The following NPBWR1 variants were observed in gnomAD, a reference collection of about 807,000 sequenced individuals.
The protein encoded by NPBWR1 is neuropeptides B and W receptor 1.
In NPBWR1, 4 loss-of-function variants were observed where a neutral mutation model predicts 2.8. The observed-to-expected ratio is 1.44, with a 90% CI of 0.71 to 3.29. The LOEUF (loss-of-function observed/expected upper bound fraction) is 3.29, where lower values mean the gene tolerates loss of function less well. Among genes scored for constraint, NPBWR1 ranks in the 30% most tolerant of loss-of-function variants. The pLI, the probability that NPBWR1 is intolerant of heterozygous loss-of-function variation, is 0.01. For missense variants in NPBWR1, 545 were observed against 462.5 expected, an observed-to-expected ratio of 1.18 and a Z score of -1.64; for synonymous variants, 250 against 224.5, an observed-to-expected ratio of 1.11 and a Z score of -1.02.
Position 52,942,033 on chromosome 8 carries a change from C to A in NPBWR1, c.*1139C>A, listed in dbSNP as rs1802885124. Reference sequence around the variant, plus strand: ...ATAAATAATGTACATGTCCTAATCTCACGAGTTGCCATGAAGATCAAATAA... The same window carrying A: ...ATAAATAATGTACATGTCCTAATCTAACGAGTTGCCATGAAGATCAAATAA... On this transcript the variant is annotated 3_prime_UTR_variant, in exon 2 of 2. Transcript: ENST00000674939. Among the ~76,000 whole-genome samples the A allele has an allele frequency of 6.6e-6, 1 of 152,214 alleles. No homozygotes were observed. The highest frequency in any genetic ancestry group is 1.5e-5 in the Non-Finnish European group (1 of 68,048).
intron 1 of NPBWR1, 43 bp downstream of exon 1, chr8:52,939,409 C>T (rs1400942090): frequency 6.5e-6 from 1 of 153,458 alleles, no homozygotes; most frequent in East Asian, 1.9e-4. Context: ...ACTGAGGGCG[C>T]ACAGACCCTG....
At position 52,940,055 on chromosome 8, in the gene NPBWR1, G is replaced by A; in HGVS notation, c.148G>A (p.Val50Met). 2 of 1,608,986 alleles carry A rather than the reference G, an allele frequency of 1.2e-6. No individual in the cohort carries two copies. The highest frequency in any genetic ancestry group is 1.1e-5 in the South Asian group (1 of 91,068). ...VPVVYAVICA[V>M]GLAGNSAVLY... is the part of the protein sequence containing the mutation. ...AGTTGTCTACGCGGTGATCTGCGCC[G>A]TGGGTCTGGCGGGCAACTCCGCCGT... Residue 50 changes from valine (V) to methionine (M), a missense_variant, in exon 2 of 2, where the codon GTG (valine) becomes ATG (methionine). By Grantham distance (21) the Val-to-Met change is conservative. Transcript: ENST00000674939.
In NPBWR1 at chr8:52,941,401, C is replaced by A. The variant is rs1340266728; in HGVS notation, c.*507C>A. On this transcript the variant is annotated 3_prime_UTR_variant, in exon 2 of 2. Transcript: ENST00000674939. ...TTGTCCTCCGCGCGCTCTGGGAAGA[C>A]GGTCAGGCGCGCGCGTTTGGCGCCC... 6.6e-6 allele frequency among the ~76,000 whole-genome samples: 1 copy of A among 152,166 alleles called. No individual in the cohort carries two copies. Among genetic ancestry groups the A allele is most frequent in the Non-Finnish European group, 1.5e-5 (1 of 68,018 alleles).
chr8:52,939,953 G>C lies in NPBWR1; in HGVS notation c.46G>C (p.Gly16Arg), dbSNP rs949193864. Residue 16 changes from glycine (G) to arginine (R), a missense_variant, in exon 2 of 2, where the codon GGC becomes CGC. By Grantham distance (125) the Gly-to-Arg change is moderately radical (BLOSUM62 -2). Transcript: ENST00000674939. Reference sequence around the variant, plus strand: ...GGAGCCCTGGCCCGCCAACGCATCGGGCCCGGACCCGGCGCTGAGCTGCTC... The same window carrying C: ...GGAGCCCTGGCCCGCCAACGCATCGCGCCCGGACCCGGCGCTGAGCTGCTC... ...FSEPWPANAS[G>R]PDPALSCSNA... is the part of the protein sequence containing the mutation. The C allele has an allele frequency of 1.1e-5, 17 of 1,585,700 alleles. 1 individual carries two copies. Among genetic ancestry groups the C allele is most frequent in the Non-Finnish European group, 1.5e-5 (17 of 1,172,078 alleles).
In NPBWR1 at chr8:52,939,946, C is replaced by A; in HGVS notation, c.39C>A (p.Asn13Lys). Reference protein sequence around the residue: ...NASFSEPWPANASGPDPALSC... With the variant: ...NASFSEPWPAKASGPDPALSC... Reference sequence around the variant, plus strand: ...CGTTCTCGGAGCCCTGGCCCGCCAACGCATCGGGCCCGGACCCGGCGCTGA... The same window carrying A: ...CGTTCTCGGAGCCCTGGCCCGCCAAAGCATCGGGCCCGGACCCGGCGCTGA... The change falls in exon 2 of 2, where the codon AAC becomes AAA. Residue 13 changes from asparagine (N) to lysine (K), a missense_variant. Asn to Lys is a moderately conservative substitution (Grantham distance 94, BLOSUM62 0). Coordinates refer to ENST00000674939, the MANE Select transcript of NPBWR1 (RefSeq NM_005285.5). 2 of 1,570,488 alleles carry A rather than the reference C, an allele frequency of 1.3e-6. No homozygotes were observed. Among genetic ancestry groups the A allele is most frequent in the Non-Finnish European group, 1.7e-6 (2 of 1,165,444 alleles).
At position 52,941,958 on chromosome 8, in the gene NPBWR1, G is replaced by A. The variant is rs141875172; in HGVS notation, c.*1064G>A. Among the ~76,000 whole-genome samples the A allele has an allele frequency of 2.6e-5, 4 of 152,054 alleles. No individual in the cohort carries two copies. The highest frequency in any genetic ancestry group is 4.4e-5 in the Non-Finnish European group (3 of 67,996). On this transcript the variant is annotated 3_prime_UTR_variant, in exon 2 of 2. Transcript: ENST00000674939. ...CTCGTCTCTTGTCTTACTTAGATCAGTTTGTTGTAACTGTTCATGTGTGTA... is the reference window on the plus strand; with the variant it reads ...CTCGTCTCTTGTCTTACTTAGATCAATTTGTTGTAACTGTTCATGTGTGTA...
chr8:52,940,839 A>T lies in NPBWR1; in HGVS notation c.932A>T (p.Asp311Val). 6.2e-7 allele frequency: 1 copy of T among 1,613,400 alleles called. No homozygotes were observed. Among genetic ancestry groups the T allele is most frequent in the Non-Finnish European group, 8.5e-7 (1 of 1,179,670 alleles). ...CLNPFLYAFLDASFRRNLRQL... is the reference protein window; with the variant it reads ...CLNPFLYAFLVASFRRNLRQL... ...AACCCCTTCCTCTACGCCTTCCTGG[A>T]CGCCAGCTTCCGCAGGAACCTCCGC... Residue 311 changes from aspartate to valine, a missense_variant, in exon 2 of 2, where the codon GAC becomes GTC. Coordinates refer to ENST00000674939, the MANE Select transcript of NPBWR1 (RefSeq NM_005285.5).
Position 52,940,561 on chromosome 8 carries a change from C to A in NPBWR1, c.654C>A (p.Thr218=), listed in dbSNP as rs1327662152. The change falls in exon 2 of 2, where the codon ACC becomes ACA. Residue 218 remains threonine, a synonymous_variant. Coordinates refer to ENST00000674939, the MANE Select transcript of NPBWR1 (RefSeq NM_005285.5). ...TGGGCTTCGCCATCCCCGTGTCCAC[C>A]ATCTGTGTCCTCTATACCACCCTGC... is the stretch of plus-strand genomic sequence containing the variant. ...LVLGFAIPVS[T]ICVLYTTLLC... 2 of 1,599,160 alleles carry A rather than the reference C, an allele frequency of 1.3e-6. No individual in the cohort carries two copies. The highest frequency in any genetic ancestry group is 1.7e-6 in the Non-Finnish European group (2 of 1,175,132).
chr8:52,940,968 G>T lies in NPBWR1; in HGVS notation c.*74G>T. 1 of 1,491,342 alleles carries T rather than the reference G, an allele frequency of 6.7e-7. No homozygotes were observed. Among genetic ancestry groups the T allele is most frequent in the Non-Finnish European group, 8.9e-7 (1 of 1,126,710 alleles). The allele number at this position is 1,491,342 out of a possible 1,614,324, so 92.4% of individuals were successfully genotyped here. A position where few individuals can be genotyped will look rare whatever the true frequency, so the allele number is the denominator to read the frequency against. On this transcript the variant is annotated 3_prime_UTR_variant, in exon 2 of 2. Transcript: ENST00000674939. ...GGGAGGAGCCGGCGCCAGAGTGCGG[G>T]ACCAGACAGGCCGCCTAGGCCTCCT...
Position 52,940,472 on chromosome 8 carries a change from G to A in NPBWR1, c.565G>A (p.Val189Met), listed in dbSNP as rs1036117534. The change falls in exon 2 of 2, where the codon GTG becomes ATG. Residue 189 changes from valine to methionine, a missense_variant. Physicochemically the swap from Val to Met is conservative, Grantham distance 21. Coordinates refer to ENST00000674939, the MANE Select transcript of NPBWR1 (RefSeq NM_005285.5). ...CGACGAGCAGGGCCGGCGCCAGTGC[G>A]TGCTAGTCTTTCCGCAGCCCGAGGC... ...LDDEQGRRQC[V>M]LVFPQPEAFW... 1.1e-5 allele frequency: 18 copies of A among 1,586,816 alleles called. No homozygotes were observed. The Admixed American group carries it at 2.1e-4, about 18-fold the overall frequency.
Position 52,939,887 on chromosome 8 carries a change from G to A in NPBWR1, c.-21G>A, listed in dbSNP as rs758245513. The A allele has an allele frequency of 6.7e-7, 1 of 1,501,814 alleles. No homozygotes were observed. The allele number at this position is 1,501,814 out of a possible 1,614,324, so 93.0% of individuals were successfully genotyped here. A position where few individuals can be genotyped will look rare whatever the true frequency, so the allele number is the denominator to read the frequency against. ...CGTCCTTGGGGGACGCCAGGTCGCCGGCTCCTCTGCCCTCGTTGAGATGGA... is the reference window on the plus strand; with the variant it reads ...CGTCCTTGGGGGACGCCAGGTCGCCAGCTCCTCTGCCCTCGTTGAGATGGA... On this transcript the variant is annotated 5_prime_UTR_variant, in exon 2 of 2. Coordinates refer to ENST00000674939, the MANE Select transcript of NPBWR1 (RefSeq NM_005285.5).
Position 52,940,424 on chromosome 8 carries a change from TTCGCAG to T in NPBWR1, c.520_525del (p.Ala174_Val175del). On this transcript the variant is annotated inframe_deletion, in exon 2 of 2. Transcript: ENST00000674939. Reference sequence around the variant, plus strand: ...GATCGTCACACTCGTCGTGCTGCCCTTCGCAGTCTTCGCCCGGCTAGACGACGAGCA... The same window carrying T: ...GATCGTCACACTCGTCGTGCTGCCCTTCTTCGCCCGGCTAGACGACGAGCA... 6.3e-7 allele frequency: 1 copy of T among 1,598,062 alleles called. No homozygotes were observed. Among genetic ancestry groups the T allele is most frequent in the Non-Finnish European group, 8.5e-7 (1 of 1,177,446 alleles).
Position 52,939,952 on chromosome 8 carries a change from G to A in NPBWR1, c.45G>A (p.Ser15=). 6.3e-7 allele frequency: 1 copy of A among 1,577,026 alleles called. No homozygotes were observed. The highest frequency in any genetic ancestry group is 2.3e-5 in the East Asian group (1 of 44,388). The change falls in exon 2 of 2, where the codon TCG becomes TCA. Residue 15 remains serine, a synonymous_variant. Transcript: ENST00000674939. The part of the protein sequence containing the change: ...SFSEPWPANA[S]GPDPALSCSN... ...CGGAGCCCTGGCCCGCCAACGCATC[G>A]GGCCCGGACCCGGCGCTGAGCTGCT...
intron 1 of NPBWR1, 113 bp from the exon 2 acceptor site, chr8:52,939,598 C>A (rs1860150930): frequency 5.3e-6 from 2 of 377,366 alleles, no homozygotes. Context: ...AGAGCGCTCA[C>A]GTGGAGGAGG....
Position 52,943,232 on chromosome 8 carries a change from A to G in NPBWR1, c.*2338A>G, listed in dbSNP as rs1466427009. Among the ~76,000 whole-genome samples, 5 of 152,210 alleles carry G rather than the reference A, an allele frequency of 3.3e-5. No individual in the cohort carries two copies. The highest frequency in any genetic ancestry group is 6.5e-5 in the Admixed American group (1 of 15,276). On this transcript the variant is annotated 3_prime_UTR_variant, in exon 2 of 2. Coordinates refer to ENST00000674939, the MANE Select transcript of NPBWR1 (RefSeq NM_005285.5). ...AGCCTTCTTGGAATCTATGGAGATGACTGCTGGAAAAATACACGGGCTGAC... is the reference window on the plus strand; with the variant it reads ...AGCCTTCTTGGAATCTATGGAGATGGCTGCTGGAAAAATACACGGGCTGAC...
At position 52,941,233 on chromosome 8, in the gene NPBWR1, C is replaced by T. The variant is rs1390631652; in HGVS notation, c.*339C>T. 1 of 264,420 alleles carries T rather than the reference C, an allele frequency of 3.8e-6. No individual in the cohort carries two copies. Among genetic ancestry groups the T allele is most frequent in the African/African-American group, 2.2e-5 (1 of 45,122 alleles). 16.4% of individuals were successfully genotyped at this position (264,420 alleles called of 1,614,324 possible). ...CCCTGCCCTGCTCCCTGCTGCCCCACCCGAGCCCTGGCAGTCTGGAACCTG... is the reference window on the plus strand; with the variant it reads ...CCCTGCCCTGCTCCCTGCTGCCCCATCCGAGCCCTGGCAGTCTGGAACCTG... On this transcript the variant is annotated 3_prime_UTR_variant, in exon 2 of 2. Coordinates refer to ENST00000674939, the MANE Select transcript of NPBWR1 (RefSeq NM_005285.5).
In NPBWR1 at chr8:52,943,181, T is replaced by G. The variant is rs1347396227; in HGVS notation, c.*2287T>G. 6.6e-6 allele frequency among the ~76,000 whole-genome samples: 1 copy of G among 152,182 alleles called. No homozygotes were observed. Among genetic ancestry groups the G allele is most frequent in the East Asian group, 1.9e-4 (1 of 5,196 alleles). ...GCTGAGTGATCCATCTGTCCACTGTTTCATCCCTACAGTAGATTGACCTCG... is the reference window on the plus strand; with the variant it reads ...GCTGAGTGATCCATCTGTCCACTGTGTCATCCCTACAGTAGATTGACCTCG... On this transcript the variant is annotated 3_prime_UTR_variant, in exon 2 of 2. Transcript: ENST00000674939.
Position 52,939,767 on chromosome 8 carries a change from C to T in NPBWR1, c.-141C>T. ...GGGTGGCTGGGAACGGTCCCCTCCT[C>T]CGGAAAAACCAGAGAACGGCTTGGA... is the stretch of plus-strand genomic sequence containing the variant. On this transcript the variant is annotated 5_prime_UTR_variant, in exon 2 of 2. Transcript: ENST00000674939. 1 of 995,150 alleles carries T rather than the reference C, an allele frequency of 1.0e-6. No homozygotes were observed. Among genetic ancestry groups the T allele is most frequent in the African/African-American group, 1.6e-5 (1 of 60,798 alleles). The allele number at this position is 995,150 out of a possible 1,614,324, so 61.6% of individuals were successfully genotyped here.
rs1329274106 is a variant in NPBWR1 at position 52,942,386 on chromosome 8, TA to T, written c.*1493del. Among the ~76,000 whole-genome samples, 5 of 152,242 alleles carry T rather than the reference TA, an allele frequency of 3.3e-5. No individual in the cohort carries two copies. Among genetic ancestry groups the T allele is most frequent in the African/African-American group, 1.2e-4 (5 of 41,480 alleles). On this transcript the variant is annotated 3_prime_UTR_variant, in exon 2 of 2. Transcript: ENST00000674939. ...TGGGTTTGCCCAATCCTCTGCAGTTTAGCCTTAGACATGAGGGCCGAACCCT... is the reference window on the plus strand; with the variant it reads ...TGGGTTTGCCCAATCCTCTGCAGTTTGCCTTAGACATGAGGGCCGAACCCT...
Sources: allele counts gnomAD v4.1 joint callset (sites outside exome capture counted in the v4.1 genomes callset), GRCh38; gene constraint gnomAD v4.1.1; transcripts MANE v1.5; gene names NCBI Gene and HGNC (gene_info 2026-07-23, HGNC 2026-07-21).